PARD3: variants seen among roughly 807,000 people sequenced by gnomAD.
PARD3 encodes partitioning defective 3 homolog.
A neutral mutation model predicts 155.4 loss-of-function variants in PARD3; 75 were observed. That is an observed-to-expected ratio of 0.48 (90% confidence interval 0.40 to 0.58). PARD3 has a LOEUF of 0.58. PARD3 is among the 20% of genes least tolerant of loss of function. The pLI is 0.00. For synonymous variants in PARD3, 576 were observed against 610.5 expected, an observed-to-expected ratio of 0.94 and a Z score of 0.83; for missense variants, 1,642 against 1,721.7, an observed-to-expected ratio of 0.95 and a Z score of 0.82.
chr10:34,241,571 G>A (rs1588902839), intron 22 of PARD3, among the ~76,000 whole-genome samples: 1 of 152,276 alleles, frequency 6.6e-6, no homozygotes, highest in Non-Finnish European at 1.5e-5. Flanking sequence ...AAAGAAGAAG[G>A]AAACAGACTG....
At chr10:34,294,107 A>G (rs1349199265) in intron 20 of PARD3, among the ~76,000 whole-genome samples, 1 of 152,212 alleles carries the variant, frequency 6.6e-6, no homozygotes, top group Non-Finnish European at 1.5e-5. Flanking sequence ...GGAGGTATTC[A>G]GTAACAAAGA....
chr10:34,574,440 C>T (rs1056605956), intron 2 of PARD3, among the ~76,000 whole-genome samples: 1 of 152,208 alleles, frequency 6.6e-6, no homozygotes, highest in Non-Finnish European at 1.5e-5. Flanking sequence ...GCAGGATTCA[C>T]TCCTCAGTGC....
intron 20 of PARD3, among the ~76,000 whole-genome samples, chr10:34,298,200 T>C (rs184671941): frequency 3.8e-4 from 58 of 152,336 alleles, no homozygotes; most frequent in African/African-American, 1.2e-3. Flanking sequence ...TAATTTCTGG[T>C]TCACAGAAAC....
intron 3 of PARD3, among the ~76,000 whole-genome samples, chr10:34,474,005 T>C (rs184213685): frequency 1.6e-4 from 25 of 152,288 alleles, no homozygotes; most frequent in Admixed American, 1.5e-3. Flanking sequence ...AGGACCTTTA[T>C]GGGCTAAGCC....
chr10:34,572,419 A>G (rs1445179028), intron 2 of PARD3, among the ~76,000 whole-genome samples: 2 of 152,040 alleles, frequency 1.3e-5, no homozygotes, highest in Non-Finnish European at 2.9e-5. Context: ...CAAGCGGATC[A>G]CTCTGAGGTC....
intron 2 of PARD3, among the ~76,000 whole-genome samples, chr10:34,647,378 A>C (rs566648105): frequency 1.3e-5 from 2 of 152,340 alleles, no homozygotes; most frequent in South Asian, 4.1e-4. Flanking sequence ...AGGTCACTTC[A>C]AAGTGTCCGT....
At chr10:34,497,166 T>C (rs150935662) in intron 3 of PARD3, among the ~76,000 whole-genome samples, 31 of 152,350 alleles carry the variant, frequency 2.0e-4, no homozygotes, top group African/African-American at 7.2e-4. Flanking sequence ...TCTTCCTATC[T>C]GTTGGTTCCA....
At chr10:34,545,134 G>A (rs2083941575) in intron 2 of PARD3, among the ~76,000 whole-genome samples, 1 of 152,164 alleles carries the variant, frequency 6.6e-6, no homozygotes, top group Non-Finnish European at 1.5e-5. Context: ...ATGGCTATTT[G>A]ATTCCTCTTT....
At chr10:34,340,799 T>G (rs536974767) in intron 16 of PARD3, among the ~76,000 whole-genome samples, 1 of 152,004 alleles carries the variant, frequency 6.6e-6, no homozygotes, top group South Asian at 2.1e-4. Flanking sequence ...AGAAAAACAG[T>G]AGGAAGCAGG....
intron 5 of PARD3, among the ~76,000 whole-genome samples, chr10:34,419,583 A>G (rs1043996236): frequency 5.3e-5 from 8 of 152,208 alleles, no homozygotes; most frequent in Admixed American, 5.2e-4. Flanking sequence ...AAACCAATCC[A>G]TTTCAGTTTG....
intron 2 of PARD3, among the ~76,000 whole-genome samples, chr10:34,561,807 T>C (rs553440819): frequency 2.0e-5 from 3 of 150,692 alleles, no homozygotes; most frequent in South Asian, 4.4e-4. Context: ...CATGAGCCAC[T>C]GCGCCCGGCC....
At chr10:34,385,078 TA>T (rs1842214666) in intron 7 of PARD3, among the ~76,000 whole-genome samples, 1 of 152,216 alleles carries the variant, frequency 6.6e-6, no homozygotes, top group Non-Finnish European at 1.5e-5. Flanking sequence ...AATCACAGTA[TA>T]AGCAACAGGG....
At chr10:34,495,379 C>G (rs978898068) in intron 3 of PARD3, among the ~76,000 whole-genome samples, 1 of 152,136 alleles carries the variant, frequency 6.6e-6, no homozygotes, top group Non-Finnish European at 1.5e-5. Flanking sequence ...AAAGGAAAAT[C>G]TGAATTGGCA....
chr10:34,683,296 C>T (rs2093881349), intron 2 of PARD3, among the ~76,000 whole-genome samples: 1 of 152,004 alleles, frequency 6.6e-6, no homozygotes, highest in African/African-American at 2.4e-5. Context: ...ACTACACTCA[C>T]AGTTTAGGTG....
chr10:34,224,001 A>AT (rs1357814907), intron 22 of PARD3, among the ~76,000 whole-genome samples: 1 of 152,196 alleles, frequency 6.6e-6, no homozygotes, highest in Non-Finnish European at 1.5e-5. Context: ...ATAGAGGTGG[A>AT]TATTTTAAAA....
intron 19 of PARD3, among the ~76,000 whole-genome samples, chr10:34,323,716 T>C (rs1451683641): frequency 6.6e-6 from 1 of 152,214 alleles, no homozygotes; most frequent in Non-Finnish European, 1.5e-5. Context: ...ATGAAGCAGG[T>C]AAAATGCTCC....
At position 34,241,041 on chromosome 10, in the gene PARD3, C is replaced by G. The variant is rs138079946; in HGVS notation, c.3419+28616G>C. Reference sequence around the variant, plus strand: ...TGGGGTCTCTGCTCTCCTAGAGTTACACTTAAGAGGGCAGAATCAGAAATA... The same window carrying G: ...TGGGGTCTCTGCTCTCCTAGAGTTAGACTTAAGAGGGCAGAATCAGAAATA... On this transcript the variant is annotated intron_variant, in intron 22 of 24. Coordinates refer to ENST00000374788, the MANE Select transcript of PARD3 (RefSeq NM_001184785.2). Among the ~76,000 whole-genome samples, 1,117 of 152,282 alleles carry G rather than the reference C, an allele frequency of 7.3e-3. 10 individuals are homozygous for G. Among genetic ancestry groups the G allele is most frequent in the Non-Finnish European group, 0.012 (783 of 68,028 alleles).
intron 22 of PARD3, among the ~76,000 whole-genome samples, chr10:34,152,843 A>T (rs950936769): frequency 2.0e-5 from 3 of 152,132 alleles, no homozygotes; most frequent in Non-Finnish European, 4.4e-5. Flanking sequence ...GGTGTTAATT[A>T]TATGTTGTGG....
Position 34,131,584 on chromosome 10 carries a change from C to T in PARD3, c.3420-1G>A. On this transcript the variant is annotated splice_acceptor_variant, in intron 22 of 24. Coordinates refer to ENST00000374788, the MANE Select transcript of PARD3 (RefSeq NM_001184785.2). LOFTEE classifies it high-confidence loss of function. ...ATGATTGCTAGGAGTTGATCTGTTA[C>T]TGAAAGAGAGATGAGGCAGCAGTGA... The T allele has an allele frequency of 6.2e-7, 1 of 1,613,660 alleles. No individual in the cohort carries two copies.
Sources: gnomAD v4.1 joint callset for allele counts (sites outside exome capture counted in the v4.1 genomes callset) on GRCh38, gnomAD v4.1.1 for gene constraint, MANE v1.5 for transcripts, NCBI Gene and HGNC (gene_info 2026-07-23, HGNC 2026-07-21) for gene names.